GYPC: variants seen among roughly 807,000 people sequenced by gnomAD.
GYPC encodes the protein glycophorin-C.
GYPC carries 14 observed loss-of-function variants against 12.6 expected under a neutral mutation model. The ratio of observed to expected loss-of-function variants is 1.11; its 90% confidence interval spans 0.74 to 1.74. GYPC has a LOEUF of 1.74. GYPC is among the 40% of genes most tolerant of loss of function. GYPC has a pLI of 0.00. For synonymous variants in GYPC, 78 were observed against 62.1 expected, an observed-to-expected ratio of 1.26 and a Z score of -1.20; for missense variants, 225 against 172.1, an observed-to-expected ratio of 1.31 and a Z score of -1.72.
At chr2:126,691,522 T>C (rs1683464568) in intron 2 of GYPC, among the ~76,000 whole-genome samples, 1 of 152,044 alleles carries the variant, frequency 6.6e-6, no homozygotes, top group Admixed American at 6.6e-5. Flanking sequence ...GGGAGCAGGG[T>C]AGGCTGAGGA....
Position 126,677,997 on chromosome 2 carries a change from G to A in GYPC, c.50-12258G>A, listed in dbSNP as rs147008278. 2.5e-3 allele frequency among the ~76,000 whole-genome samples: 376 copies of A among 152,296 alleles called. 1 individual carries two copies. Among genetic ancestry groups the A allele is most frequent in the Admixed American group, 3.9e-3 (59 of 15,304 alleles). On this transcript the variant is annotated intron_variant, in intron 1 of 3. Coordinates refer to ENST00000259254, the MANE Select transcript of GYPC (RefSeq NM_002101.5). ...AGCACTTTGGGAGGCCAAGGTGGGC[G>A]GATCACGAGGTCAGGAGATCAAGAC...
At chr2:126,675,034 T>A (rs1229330946) in intron 1 of GYPC, among the ~76,000 whole-genome samples, 1 of 152,190 alleles carries the variant, frequency 6.6e-6, no homozygotes, top group African/African-American at 2.4e-5. Flanking sequence ...AACATGGGTG[T>A]TTCTGAAAGG....
At chr2:126,667,560 C>T (rs1333249411) in intron 1 of GYPC, among the ~76,000 whole-genome samples, 7 of 152,092 alleles carry the variant, frequency 4.6e-5, no homozygotes, top group South Asian at 2.1e-4. Context: ...TGCACCACCA[C>T]GCCTGGCTAA....
chr2:126,659,668 G>T (rs1052674451), intron 1 of GYPC, among the ~76,000 whole-genome samples: 1 of 152,098 alleles, frequency 6.6e-6, no homozygotes, highest in Non-Finnish European at 1.5e-5. Context: ...GTTGTTTTTC[G>T]CTTTTGATAA....
rs939225429 is a variant in GYPC at position 126,656,305 on chromosome 2, C to T, written c.42C>T (p.Leu14=). 4 of 1,590,340 alleles carry T rather than the reference C, an allele frequency of 2.5e-6. No individual in the cohort carries two copies. The highest frequency in any genetic ancestry group is 1.1e-5 in the South Asian group (1 of 88,436). ...TRSPNSTAWP[L]SLEPDPGMAS... is the part of the protein sequence containing the mutation. ...GCCCCAACAGCACGGCGTGGCCTCT[C>T]AGCCTCGGTGAGTACCCGCCGTGGG... Residue 14 remains leucine, a synonymous_variant, in exon 1 of 4, where the codon CTC becomes CTT. Coordinates refer to ENST00000259254, the MANE Select transcript of GYPC (RefSeq NM_002101.5).
At chr2:126,686,790 C>A in intron 1 of GYPC, 1 of 784,454 alleles carries the variant, frequency 1.3e-6, no homozygotes, top group Non-Finnish European at 1.5e-6. Flanking sequence ...ATTTCTGATA[C>A]CAGACCCAAG....
intron 1 of GYPC, among the ~76,000 whole-genome samples, chr2:126,677,463 CAG>C (rs1431870781): frequency 2.2e-5 from 3 of 139,028 alleles, no homozygotes; most frequent in Non-Finnish European, 4.6e-5. Context: ...AAGAGTGTGA[CAG>C]TGTGTGTGTG....
At chr2:126,673,323 G>A (rs931103864) in intron 1 of GYPC, among the ~76,000 whole-genome samples, 47 of 152,212 alleles carry the variant, frequency 3.1e-4, no homozygotes, top group African/African-American at 8.9e-4. Context: ...ACTTGGAATC[G>A]CTCATGCACA....
chr2:126,679,039 C>T (rs1683088787), intron 1 of GYPC, among the ~76,000 whole-genome samples: 1 of 152,190 alleles, frequency 6.6e-6, no homozygotes, highest in Non-Finnish European at 1.5e-5. Context: ...GCAGCCCAAT[C>T]GAGGACATTT....
In GYPC at chr2:126,696,422, C is replaced by T. The variant is rs932449384; in HGVS notation, c.*280C>T. 4 of 454,128 alleles carry T rather than the reference C, an allele frequency of 8.8e-6. No homozygotes were observed. Among genetic ancestry groups the T allele is most frequent in the African/African-American group, 8.0e-5 (4 of 50,152 alleles). The allele number at this position is 454,128 out of a possible 1,614,324, so 28.1% of individuals were successfully genotyped here. A position where few individuals can be genotyped will look rare whatever the true frequency, so the allele number is the denominator to read the frequency against. Reference sequence around the variant, plus strand: ...GAGAAAATCTGGGCACATGGGGCCCCCTGGGCAGTGCAGGACAACATCAGC... The same window carrying T: ...GAGAAAATCTGGGCACATGGGGCCCTCTGGGCAGTGCAGGACAACATCAGC... On this transcript the variant is annotated 3_prime_UTR_variant, in exon 4 of 4. Coordinates refer to ENST00000259254, the MANE Select transcript of GYPC (RefSeq NM_002101.5).
chr2:126,687,705 C>A (rs1311463616), intron 1 of GYPC, among the ~76,000 whole-genome samples: 1 of 152,200 alleles, frequency 6.6e-6, no homozygotes, highest in Non-Finnish European at 1.5e-5. Context: ...TGGAGGGAGC[C>A]CACATTGGGA....
intron 1 of GYPC, among the ~76,000 whole-genome samples, chr2:126,662,379 A>G (rs980939870): frequency 1.3e-5 from 2 of 152,180 alleles, no homozygotes; most frequent in African/African-American, 4.8e-5. Flanking sequence ...TGAAGCTTCA[A>G]GTTCAGGTTC....
At chr2:126,679,069 T>C (rs1158721227) in intron 1 of GYPC, among the ~76,000 whole-genome samples, 2 of 152,266 alleles carry the variant, frequency 1.3e-5, no homozygotes, top group African/African-American at 4.8e-5. Context: ...ATTAAGTACC[T>C]AATTATGCTG....
At chr2:126,679,040 G>A (rs1683088839) in intron 1 of GYPC, among the ~76,000 whole-genome samples, 1 of 152,188 alleles carries the variant, frequency 6.6e-6, no homozygotes, top group Admixed American at 6.5e-5. Flanking sequence ...CAGCCCAATC[G>A]AGGACATTTA....
intron 1 of GYPC, among the ~76,000 whole-genome samples, chr2:126,669,814 T>C (rs761093747): frequency 6.6e-6 from 1 of 151,164 alleles, no homozygotes; most frequent in African/African-American, 2.4e-5. Context: ...ATTATTATTA[T>C]TTCCTGGAGG....
intron 1 of GYPC, among the ~76,000 whole-genome samples, chr2:126,660,493 T>G (rs1682506119): frequency 6.6e-6 from 1 of 152,168 alleles, no homozygotes; most frequent in Non-Finnish European, 1.5e-5. Flanking sequence ...TTCCCAAGCC[T>G]AGAAAACGAC....
At chr2:126,690,941 A>G (rs1452939458) in intron 2 of GYPC, among the ~76,000 whole-genome samples, 1 of 152,144 alleles carries the variant, frequency 6.6e-6, no homozygotes, top group Middle Eastern at 3.4e-3. Flanking sequence ...GGAAACATCT[A>G]CAATTTGAAA....
chr2:126,686,659 G>A, intron 1 of GYPC: 2 of 977,038 alleles, frequency 2.0e-6, no homozygotes, highest in Non-Finnish European at 2.4e-6. Context: ...GGGTGTTGCA[G>A]GGGGCCGGGG....
At position 126,696,218 on chromosome 2, in the gene GYPC, C is replaced by T. The variant is rs542203868; in HGVS notation, c.*76C>T. The T allele has an allele frequency of 1.5e-4, 153 of 1,017,896 alleles. No individual in the cohort carries two copies. The African/African-American group carries it at 1.6e-3, about 11-fold the overall frequency. The allele number at this position is 1,017,896 out of a possible 1,614,324, so 63.1% of individuals were successfully genotyped here. ...AAATACACCCCATCGCCCAGCACCC[C>T]TGCTGATACCACCAGACAGAGAGAG... On this transcript the variant is annotated 3_prime_UTR_variant, in exon 4 of 4. Coordinates refer to ENST00000259254, the MANE Select transcript of GYPC (RefSeq NM_002101.5).
Sources: gnomAD v4.1 joint callset for allele counts (sites outside exome capture counted in the v4.1 genomes callset) on GRCh38, gnomAD v4.1.1 for gene constraint, MANE v1.5 for transcripts, NCBI Gene and HGNC (gene_info 2026-07-23, HGNC 2026-07-21) for gene names.